MROH9: variants seen among roughly 807,000 people sequenced by gnomAD.
MROH9 encodes maestro heat-like repeat-containing protein family member 9.
MROH9 carries 92 observed loss-of-function variants against 98.2 expected under a neutral mutation model. The observed-to-expected ratio is 0.94, with a 90% confidence interval of 0.79 to 1.11. MROH9 has a LOEUF of 1.11. Ranked by LOEUF, MROH9 falls within the 50% of genes most tolerant of loss-of-function variation. The probability of loss-of-function intolerance (pLI) is 0.00; values close to 1 mark genes in which losing one functional copy is unlikely to be tolerated. For synonymous variants in MROH9, 397 were observed against 368.9 expected, an observed-to-expected ratio of 1.08 and a Z score of -0.87; for missense variants, 1,057 against 1,014.8, an observed-to-expected ratio of 1.04 and a Z score of -0.57.
intron 15 of MROH9, 45 bp downstream of exon 15, chr1:170,998,319 C>T: frequency 1.2e-6 from 2 of 1,613,104 alleles, no homozygotes; most frequent in Non-Finnish European, 1.7e-6. Context: ...ATTTCCTTTT[C>T]TTACCCAAAT....
chr1:171,050,414 C>T (rs1557914140), intron 20 of MROH9, among the ~76,000 whole-genome samples: 2 of 152,006 alleles, frequency 1.3e-5, no homozygotes, highest in Admixed American at 6.6e-5. Context: ...AAATGTATTT[C>T]TAAGTATTTT....
intron 17 of MROH9, 82 bp from the exon 18 acceptor site, chr1:171,024,303 GGTGTGTGTGT>G (rs3077629): frequency 7.5e-6 from 5 of 669,982 alleles, no homozygotes; most frequent in East Asian, 3.0e-5. Context: ...ATTTATATGG[GGTGTGTGTGT>G]GTGTGTGTGT....
chr1:170,942,846 A>G lies in MROH9; in HGVS notation c.-37-2674A>G, dbSNP rs190287304. Among the ~76,000 whole-genome samples the G allele has an allele frequency of 1.5e-3, 231 of 152,252 alleles. 1 individual carries two copies. The highest frequency in any genetic ancestry group is 5.4e-3 in the African/African-American group (224 of 41,546). On this transcript the variant is annotated intron_variant, in intron 1 of 21. Transcript: ENST00000367759. ...TAAGCTGGTGAAGCTGAACTAAACAAGAAATCACACAAACAAGCTGCTATT... is the reference window on the plus strand; with the variant it reads ...TAAGCTGGTGAAGCTGAACTAAACAGGAAATCACACAAACAAGCTGCTATT...
chr1:171,036,284 A>G (rs1327470019), intron 20 of MROH9, among the ~76,000 whole-genome samples: 1 of 152,042 alleles, frequency 6.6e-6, no homozygotes, highest in Non-Finnish European at 1.5e-5. Flanking sequence ...TTGACCTTAG[A>G]TGTGGTCACT....
At chr1:171,015,853 C>T (rs1431916898) in intron 16 of MROH9, among the ~76,000 whole-genome samples, 16 of 152,116 alleles carry the variant, frequency 1.1e-4, no homozygotes, top group African/African-American at 4.8e-5. Flanking sequence ...TTAATATTCC[C>T]GCCAATCAGA....
At chr1:170,970,729 T>TGAGAGAGAGAGAGA (rs1336944318) in intron 7 of MROH9, among the ~76,000 whole-genome samples, 165 of 102,068 alleles carry the variant, frequency 1.6e-3, no homozygotes, top group African/African-American at 4.7e-3. Flanking sequence ...TGTGTGTGTG[T>TGAGAGAGAGAGAGA]GTGAGAGAGA....
intron 16 of MROH9, chr1:171,014,982 A>G (rs1323449479): frequency 2.1e-6 from 1 of 471,720 alleles, no homozygotes; most frequent in Admixed American, 2.3e-5. Context: ...TTTCCCATTG[A>G]CTCACATGAA....
At chr1:171,011,320 A>G (rs1652149219) in intron 15 of MROH9, among the ~76,000 whole-genome samples, 2 of 152,230 alleles carry the variant, frequency 1.3e-5, no homozygotes, top group South Asian at 4.1e-4. Context: ...ACATAGCACC[A>G]AATTACCACC....
chr1:170,941,921 CCTAA>C (rs977094031), intron 1 of MROH9, among the ~76,000 whole-genome samples: 66 of 152,278 alleles, frequency 4.3e-4, no homozygotes, highest in African/African-American at 1.5e-3. Context: ...GTCTGGCATT[CCTAA>C]CTTTCTCCTC....
intron 3 of MROH9, among the ~76,000 whole-genome samples, chr1:170,957,313 ATTTGTC>A (rs2101887040): frequency 1.3e-5 from 2 of 152,138 alleles, no homozygotes; most frequent in South Asian, 4.2e-4. Context: ...ACTTCTTTAC[ATTTGTC>A]TTTAACCCAT....
In MROH9 at chr1:170,983,402, T is replaced by A. The variant is rs1206959068; in HGVS notation, c.617-20T>A. The A allele has an allele frequency of 6.5e-7, 1 of 1,531,926 alleles. No homozygotes were observed. Among genetic ancestry groups the A allele is most frequent in the Admixed American group, 1.7e-5 (1 of 57,820 alleles). 94.9% of individuals were successfully genotyped at this position (1,531,926 alleles called of 1,614,324 possible). ...AAGTGATCAAATAACAACCTGAAAC[T>A]CTTTTTCTTAACAAAGCAGATATTG... On this transcript the variant is annotated intron_variant, in intron 8 of 21. Transcript: ENST00000367759.
At chr1:170,983,159 G>A (rs539531291) in intron 8 of MROH9, among the ~76,000 whole-genome samples, 1 of 152,024 alleles carries the variant, frequency 6.6e-6, no homozygotes, top group African/African-American at 2.4e-5. Flanking sequence ...TGCATTTGAT[G>A]GTCTATATAT....
intron 11 of MROH9, 73 bp from the exon 12 acceptor site, chr1:170,992,091 G>A (rs1242288883): frequency 7.0e-7 from 1 of 1,425,180 alleles, no homozygotes; most frequent in Non-Finnish European, 9.3e-7. Flanking sequence ...CTATTTTCCT[G>A]ATTCTTGTTA....
At chr1:171,002,815 G>A (rs1651825194) in intron 15 of MROH9, among the ~76,000 whole-genome samples, 1 of 152,126 alleles carries the variant, frequency 6.6e-6, no homozygotes, top group Admixed American at 6.6e-5. Flanking sequence ...CAAGGCTGGG[G>A]AAGTTTTCCT....
chr1:171,046,148 T>C (rs573541682), intron 20 of MROH9, among the ~76,000 whole-genome samples: 1 of 152,270 alleles, frequency 6.6e-6, no homozygotes, highest in Non-Finnish European at 1.5e-5. Context: ...GCATGAAATA[T>C]CTTTTTCCAC....
Position 170,943,220 on chromosome 1 carries a change from G to C in MROH9, c.-37-2300G>C, listed in dbSNP as rs185041089. Reference sequence around the variant, plus strand: ...TGGAGTGATTTTATCTATAAAATGTGATTTCAAAGTAGATATATAAGAATT... The same window carrying C: ...TGGAGTGATTTTATCTATAAAATGTCATTTCAAAGTAGATATATAAGAATT... On this transcript the variant is annotated intron_variant, in intron 1 of 21. Coordinates refer to ENST00000367759, the MANE Select transcript of MROH9 (RefSeq NM_001163629.2). Among the ~76,000 whole-genome samples, 520 of 152,096 alleles carry C rather than the reference G, an allele frequency of 3.4e-3. 2 individuals are homozygous for C. The highest frequency in any genetic ancestry group is 0.012 in the African/African-American group (511 of 41,502).
chr1:171,011,850 G>T (rs1293947497), intron 15 of MROH9, among the ~76,000 whole-genome samples: 1 of 151,546 alleles, frequency 6.6e-6, no homozygotes, highest in Non-Finnish European at 1.5e-5. Context: ...TTTTTTTCCT[G>T]TGCAAAAGGC....
chr1:170,955,179 G>GTA (rs769399992), intron 3 of MROH9, among the ~76,000 whole-genome samples: 86 of 151,582 alleles, frequency 5.7e-4, no homozygotes, highest in Middle Eastern at 3.4e-3. Flanking sequence ...TCCATTTTAT[G>GTA]TATATATATA....
intron 6 of MROH9, among the ~76,000 whole-genome samples, chr1:170,964,352 CAG>C (rs142491042): frequency 0.34 from 52,015 of 151,718 alleles, 9,645 homozygotes; most frequent in African/African-American, 0.49. Flanking sequence ...AAGGACAAGG[CAG>C]AGAGGCTGAC....
Sources: gnomAD v4.1 joint callset for allele counts (sites outside exome capture counted in the v4.1 genomes callset) on GRCh38, gnomAD v4.1.1 for gene constraint, MANE v1.5 for transcripts, NCBI Gene and HGNC (gene_info 2026-07-23, HGNC 2026-07-21) for gene names.